Variants in NEMP2 observed in about 807,000 individuals in gnomAD.
The protein encoded by NEMP2 is UPF0571 transmembrane protein.
NEMP2 carries 53 observed loss-of-function variants against 54.2 expected under a neutral mutation model. The ratio of observed to expected loss-of-function variants is 0.98; its 90% CI spans 0.78 to 1.23. The LOEUF is 1.23. Among genes scored for constraint, NEMP2 ranks in the 50% most tolerant of loss-of-function variants. The pLI is 0.00. For missense variants in NEMP2, 455 were observed against 511.3 expected, an observed-to-expected ratio of 0.89 and a Z score of 1.06; for synonymous variants, 197 against 190.3, an observed-to-expected ratio of 1.04 and a Z score of -0.29.
At chr2:190,552,745 C>T in the NEMP2 span, among the ~76,000 whole-genome samples, 2 of 151,940 alleles carry the variant, frequency 1.3e-5, no homozygotes, top group Non-Finnish European at 2.9e-5. Context: ...CTCTTTGCTA[C>T]GTAGAATCCC....
chr2:190,576,633 G>T, the NEMP2 span, among the ~76,000 whole-genome samples: 1 of 149,430 alleles, frequency 6.7e-6, no homozygotes, highest in South Asian at 2.1e-4. Context: ...GGGGTGGGGC[G>T]GGGGGGGATC....
At chr2:190,457,454 A>G in the NEMP2 span, among the ~76,000 whole-genome samples, 1 of 152,164 alleles carries the variant, frequency 6.6e-6, no homozygotes, top group Non-Finnish European at 1.5e-5. The surrounding 1 kb of genome is among the most constrained non-coding windows in gnomAD (Gnocchi z 5.1). Flanking sequence ...TTTGCTGACA[A>G]GTCAAAAATG....
chr2:190,584,636 G>A, the NEMP2 span, among the ~76,000 whole-genome samples: 4 of 152,098 alleles, frequency 2.6e-5, no homozygotes, highest in Non-Finnish European at 5.9e-5. The surrounding 1 kb of genome is among the most constrained non-coding windows in gnomAD (Gnocchi z 4.2). Context: ...ACTTTGGGAG[G>A]CCCAGGCAGG....
the NEMP2 span, among the ~76,000 whole-genome samples, chr2:190,491,028 C>T: frequency 3.3e-5 from 5 of 152,220 alleles, no homozygotes; most frequent in East Asian, 3.9e-4. This position sits in a 1 kb window ranked among gnomAD's most constrained non-coding sequence, Gnocchi z 4.2. Context: ...TCATGGCTCT[C>T]CCAAAGTTAT....
chr2:190,478,226 T>A, the NEMP2 span, among the ~76,000 whole-genome samples: 2 of 152,180 alleles, frequency 1.3e-5, no homozygotes, highest in African/African-American at 4.8e-5. Flanking sequence ...GAAACCTAGC[T>A]ACTGGTCTGA....
chr2:190,568,256 A>C, the NEMP2 span, among the ~76,000 whole-genome samples: 1 of 152,212 alleles, frequency 6.6e-6, no homozygotes, highest in African/African-American at 2.4e-5. This position sits in a 1 kb window ranked among gnomAD's most constrained non-coding sequence, Gnocchi z 4.7. Context: ...AGTGAGATTA[A>C]TACAGGACAC....
chr2:190,490,345 C>T, the NEMP2 span, among the ~76,000 whole-genome samples: 5 of 151,608 alleles, frequency 3.3e-5, no homozygotes, highest in Non-Finnish European at 7.4e-5. This position sits in a 1 kb window ranked among gnomAD's most constrained non-coding sequence, Gnocchi z 4.5. Context: ...GGGTGGATCA[C>T]GAGGTTAGGA....
chr2:190,563,594 A>G, the NEMP2 span, among the ~76,000 whole-genome samples: 1 of 152,202 alleles, frequency 6.6e-6, no homozygotes, highest in Non-Finnish European at 1.5e-5. The surrounding 1 kb of genome is among the most constrained non-coding windows in gnomAD (Gnocchi z 4.3). Flanking sequence ...AAACTCTACC[A>G]CAACGTATAT....
the NEMP2 span, among the ~76,000 whole-genome samples, chr2:190,619,852 T>G: frequency 6.6e-6 from 1 of 152,080 alleles, no homozygotes; most frequent in East Asian, 1.9e-4. This position sits in a 1 kb window ranked among gnomAD's most constrained non-coding sequence, Gnocchi z 5.5. Context: ...TGGCAAGCTA[T>G]GAAGTAACAG....
the NEMP2 span, among the ~76,000 whole-genome samples, chr2:190,433,800 TAGA>T: frequency 1.3e-5 from 2 of 152,192 alleles, no homozygotes; most frequent in Admixed American, 6.5e-5. The surrounding 1 kb of genome is among the most constrained non-coding windows in gnomAD (Gnocchi z 4.5). Context: ...AGTATAATTT[TAGA>T]AGGTTTTTCA....
the NEMP2 span, among the ~76,000 whole-genome samples, chr2:190,629,565 T>G: frequency 1.3e-5 from 2 of 152,206 alleles, no homozygotes; most frequent in Admixed American, 6.5e-5. Flanking sequence ...CTAAGCAGTT[T>G]ATAAATAGAA....
In NEMP2 at chr2:190,508,430, T is replaced by A. The variant is rs1690246359; in HGVS notation, c.*759A>T. 1 of 152,250 alleles carries A rather than the reference T, an allele frequency of 6.6e-6. No homozygotes were observed. Among genetic ancestry groups the A allele is most frequent in the Non-Finnish European group, 1.5e-5 (1 of 68,048 alleles). The allele number at this position is 152,250 out of a possible 1,614,324, so 9.4% of individuals were successfully genotyped here. On this transcript the variant is annotated 3_prime_UTR_variant, in exon 9 of 9. Transcript: ENST00000409150. The surrounding 1 kb of genome is among the most constrained non-coding windows in gnomAD (Gnocchi z 4.3). The stretch of plus-strand genomic sequence containing the variant: ...AAAGGATACATCAGGGCTGGATTTC[T>A]ACCAGTGCTGCATCTCAGTGTGGTC...
At chr2:190,430,059 A>G in the NEMP2 span, among the ~76,000 whole-genome samples, 1 of 140,340 alleles carries the variant, frequency 7.1e-6, no homozygotes, top group South Asian at 2.2e-4. Context: ...AAGTGTTCTC[A>G]TTGTTCAATT....
At chr2:190,492,561 A>G in the NEMP2 span, among the ~76,000 whole-genome samples, 181 of 152,356 alleles carry the variant, frequency 1.2e-3, 1 homozygote, top group African/African-American at 4.2e-3. The surrounding 1 kb of genome is among the most constrained non-coding windows in gnomAD (Gnocchi z 5.2). Context: ...TTGGGTCAAC[A>G]GCAAAATCAA....
the NEMP2 span, among the ~76,000 whole-genome samples, chr2:190,584,963 G>GAAAGAAAGAA: frequency 6.3e-5 from 9 of 141,956 alleles, 1 homozygote; most frequent in African/African-American, 2.2e-4. This position sits in a 1 kb window ranked among gnomAD's most constrained non-coding sequence, Gnocchi z 4.2. Flanking sequence ...AAGAAAGAAA[G>GAAAGAAAGAA]AGACATAATG....
At chr2:190,467,364 G>C in the NEMP2 span, among the ~76,000 whole-genome samples, 1 of 148,884 alleles carries the variant, frequency 6.7e-6, no homozygotes. This position sits in a 1 kb window ranked among gnomAD's most constrained non-coding sequence, Gnocchi z 5.5. Flanking sequence ...TGTAATTCCA[G>C]CATTTTGGGA....
chr2:190,537,710 C>G (rs1262727431), upstream of NEMP2, among the ~76,000 whole-genome samples: 2 of 152,144 alleles, frequency 1.3e-5, no homozygotes, highest in Non-Finnish European at 2.9e-5. Flanking sequence ...AATTTGCAGC[C>G]TGACGATGCA....
the NEMP2 span, among the ~76,000 whole-genome samples, chr2:190,631,048 A>G: frequency 6.6e-6 from 1 of 152,170 alleles, no homozygotes; most frequent in Non-Finnish European, 1.5e-5. Flanking sequence ...ACAAATATAA[A>G]AAATGATAAT....
chr2:190,535,693 T>C (rs984749371), upstream of NEMP2, among the ~76,000 whole-genome samples: 4 of 152,204 alleles, frequency 2.6e-5, no homozygotes, highest in Admixed American at 2.6e-4. Flanking sequence ...CAAAGAAAGG[T>C]TTAACCAACT....
Sources: gnomAD v4.1 joint callset for allele counts (sites outside exome capture counted in the v4.1 genomes callset) on GRCh38, gnomAD v4.1.1 for gene constraint, Gnocchi (gnomAD v3.1) non-coding constraint, MANE v1.5 for transcripts, NCBI Gene and HGNC (gene_info 2026-07-23, HGNC 2026-07-21) for gene names.